BRINP1: variants seen among roughly 807,000 people sequenced by gnomAD.
BRINP1 encodes BMP/retinoic acid inducible neural specific 1, also known as BMP/retinoic acid-inducible neural-specific protein 1.
Under a neutral mutation model 72.9 loss-of-function variants are expected in BRINP1, and 17 were observed. The ratio of observed to expected loss-of-function variants is 0.23; its 90% CI spans 0.16 to 0.35. The LOEUF (loss-of-function observed/expected upper bound fraction) is 0.35. Ranked by LOEUF, BRINP1 falls within the 10% of genes least tolerant of loss-of-function variation. The pLI is 1.00. For missense variants in BRINP1, 850 were observed against 1,001.6 expected (o/e 0.85, Z 2.04); for synonymous variants, 418 against 378.5 (o/e 1.10, Z -1.21).
At chr9:119,178,902 C>T (rs370387143) in intron 7 of BRINP1, among the ~76,000 whole-genome samples, 10 of 152,172 alleles carry the variant, frequency 6.6e-5, no homozygotes, top group East Asian at 5.8e-4. Flanking sequence ...ATTGAAATAA[C>T]GGAAAAATAC....
chr9:119,333,390 G>A (rs1052548445), intron 1 of BRINP1, among the ~76,000 whole-genome samples: 1 of 150,408 alleles, frequency 6.6e-6, no homozygotes, highest in African/African-American at 2.4e-5. Flanking sequence ...TTGAGCCTGG[G>A]AGGCAGAGGC....
intron 1 of BRINP1, among the ~76,000 whole-genome samples, chr9:119,349,769 T>C (rs965082703): frequency 2.6e-5 from 4 of 152,098 alleles, no homozygotes; most frequent in African/African-American, 9.7e-5. Flanking sequence ...AGCAGGGGGA[T>C]CTGTGGAGGG....
intron 2 of BRINP1, among the ~76,000 whole-genome samples, chr9:119,281,893 T>G (rs1307576734): frequency 1.3e-5 from 2 of 152,180 alleles, no homozygotes; most frequent in Non-Finnish European, 2.9e-5. Flanking sequence ...CTTTGAGCAA[T>G]CCCTTATTGA....
intron 2 of BRINP1, among the ~76,000 whole-genome samples, chr9:119,252,617 T>A (rs1588178644): frequency 1.3e-5 from 2 of 152,006 alleles, no homozygotes; most frequent in South Asian, 4.2e-4. Flanking sequence ...GCTTTTTTCA[T>A]ATGAACACAC....
rs1829335049 is a variant in BRINP1 at position 119,167,699 on chromosome 9, G to T, written c.1671C>A (p.Asp557Glu). Reference protein sequence around the residue: ...RICQMRNSSLDPMFFVYVNPF... With the variant: ...RICQMRNSSLEPMFFVYVNPF... ...GGTTGACATAGACAAAGAACATGGG[G>T]TCCAGGCTGCTGTTGCGCATCTGGC... is the stretch of plus-strand genomic sequence containing the variant. Residue 557 changes from aspartate (D) to glutamate (E), a missense_variant, in exon 8 of 8, where the codon GAC becomes GAA. Coordinates refer to ENST00000265922, the MANE Select transcript of BRINP1 (RefSeq NM_014618.3). The surrounding 1 kb of genome is among the most constrained non-coding windows in gnomAD (Gnocchi z 4.3). 6.2e-7 allele frequency: 1 copy of T among 1,614,024 alleles called. No individual in the cohort carries two copies. The highest frequency in any genetic ancestry group is 1.3e-5 in the African/African-American group (1 of 74,920).
chr9:119,282,857 A>C (rs1830726713), intron 2 of BRINP1: 1 of 985,178 alleles, frequency 1.0e-6, no homozygotes, highest in African/African-American at 1.7e-5. Flanking sequence ...GCAGTGATAG[A>C]TTACCTCTTA....
At chr9:119,170,564 A>ATTATCCAGG (rs1295644743) in intron 7 of BRINP1, among the ~76,000 whole-genome samples, 1 of 152,080 alleles carries the variant, frequency 6.6e-6, no homozygotes, top group East Asian at 1.9e-4. Flanking sequence ...TCTGCAGGAT[A>ATTATCCAGG]TTATCCAGGA....
chr9:119,340,944 A>T (rs946374438), intron 1 of BRINP1, among the ~76,000 whole-genome samples: 2 of 152,220 alleles, frequency 1.3e-5, no homozygotes, highest in Non-Finnish European at 2.9e-5. Context: ...AGAGGGAGAC[A>T]TGACCCTGGA....
At chr9:119,187,446 A>G (rs1422551461) in intron 7 of BRINP1, among the ~76,000 whole-genome samples, 4 of 152,016 alleles carry the variant, frequency 2.6e-5, no homozygotes, top group Admixed American at 2.0e-4. Context: ...ACCCACAGAA[A>G]TTTCTGACAT....
chr9:119,295,824 C>T (rs930786444), intron 2 of BRINP1, among the ~76,000 whole-genome samples: 1 of 152,164 alleles, frequency 6.6e-6, no homozygotes, highest in Non-Finnish European at 1.5e-5. Flanking sequence ...GTTAGAAAAA[C>T]AAGACACCCA....
rs189917212 is a variant in BRINP1 at position 119,277,860 on chromosome 9, C to T, written c.219-28710G>A. On this transcript the variant is annotated intron_variant, in intron 2 of 7. Transcript: ENST00000265922. Reference sequence around the variant, plus strand: ...TGGGAAGTCCATCCTATCTTCCACTCTATTCTTATTCCTCAAACCCCTTGC... The same window carrying T: ...TGGGAAGTCCATCCTATCTTCCACTTTATTCTTATTCCTCAAACCCCTTGC... 3.2e-4 allele frequency among the ~76,000 whole-genome samples: 49 copies of T among 152,248 alleles called. 1 individual carries two copies. The East Asian group carries it at 9.1e-3, about 28-fold the overall frequency.
At chr9:119,322,913 C>G (rs2119005280) in intron 1 of BRINP1, among the ~76,000 whole-genome samples, 1 of 152,314 alleles carries the variant, frequency 6.6e-6, no homozygotes, top group Non-Finnish European at 1.5e-5. Flanking sequence ...TAAAATGTAA[C>G]TATTTGTCTT....
chr9:119,303,660 C>T (rs368818669), intron 2 of BRINP1, among the ~76,000 whole-genome samples: 28 of 152,154 alleles, frequency 1.8e-4, no homozygotes, highest in African/African-American at 6.3e-4. Context: ...TCCTAAAAAG[C>T]GTCTTCCTAG....
At chr9:119,351,553 A>C (rs558779046) in intron 1 of BRINP1, among the ~76,000 whole-genome samples, 1 of 152,216 alleles carries the variant, frequency 6.6e-6, no homozygotes, top group Non-Finnish European at 1.5e-5. Flanking sequence ...GCGCTGAGGG[A>C]AAGTTAGGAC....
intron 5 of BRINP1, among the ~76,000 whole-genome samples, chr9:119,223,781 A>C (rs1830064161): frequency 6.6e-6 from 1 of 152,098 alleles, no homozygotes; most frequent in African/African-American, 2.4e-5. Flanking sequence ...TTACAGCTTG[A>C]GACACGAGGC....
At chr9:119,277,279 C>T (rs974453460) in intron 2 of BRINP1, among the ~76,000 whole-genome samples, 2 of 152,184 alleles carry the variant, frequency 1.3e-5, no homozygotes, top group African/African-American at 4.8e-5. Context: ...TCCTCCTTCG[C>T]TCTTTCGTCC....
intron 2 of BRINP1, among the ~76,000 whole-genome samples, chr9:119,250,714 G>A (rs553113389): frequency 6.6e-6 from 1 of 152,268 alleles, no homozygotes; most frequent in East Asian, 1.9e-4. Flanking sequence ...ACTGAGTGAA[G>A]GTTGCTTTTG....
At chr9:119,337,421 A>T (rs537874738) in intron 1 of BRINP1, among the ~76,000 whole-genome samples, 2 of 152,302 alleles carry the variant, frequency 1.3e-5, no homozygotes, top group South Asian at 4.1e-4. Context: ...GCCAGGAGGA[A>T]ATACAGGTAT....
chr9:119,195,292 A>G (rs1039263303), intron 7 of BRINP1, among the ~76,000 whole-genome samples: 11 of 152,242 alleles, frequency 7.2e-5, no homozygotes, highest in Admixed American at 5.9e-4. Flanking sequence ...GAATGAATGA[A>G]TAAATGAAGA....
Sources: gnomAD v4.1 joint callset for allele counts (sites outside exome capture counted in the v4.1 genomes callset) on GRCh38, gnomAD v4.1.1 for gene constraint, Gnocchi (gnomAD v3.1) non-coding constraint, MANE v1.5 for transcripts, NCBI Gene and HGNC (gene_info 2026-07-23, HGNC 2026-07-21) for gene names.